The following SLC15A2 variants were observed in gnomAD, a reference collection of about 807,000 sequenced individuals.
SLC15A2 encodes kidney H(+)/peptide cotransporter.
Under a neutral mutation model 95.5 loss-of-function variants are expected in SLC15A2, and 77 were observed. That is an observed-to-expected ratio of 0.81 (90% CI 0.67 to 0.97). The LOEUF (loss-of-function observed/expected upper bound fraction) is 0.97, where lower values mean the gene tolerates loss of function less well. Ranked by LOEUF, SLC15A2 falls within the 50% of genes least tolerant of loss-of-function variation. The pLI, the probability that SLC15A2 is intolerant of heterozygous loss-of-function variation, is 0.00. For missense variants in SLC15A2, 893 were observed against 874.4 expected (o/e 1.02, Z -0.27); for synonymous variants, 306 against 306.9 (o/e 1.00, Z 0.03).
chr3:121,932,269 C>A (rs143116633), intron 19 of SLC15A2, among the ~76,000 whole-genome samples: 1 of 152,150 alleles, frequency 6.6e-6, no homozygotes, highest in East Asian at 1.9e-4. Flanking sequence ...CAACAACAAG[C>A]AAAGGGTCTT....
chr3:121,899,528 C>T (rs138172221), intron 3 of SLC15A2, among the ~76,000 whole-genome samples: 3 of 152,264 alleles, frequency 2.0e-5, no homozygotes, highest in Non-Finnish European at 2.9e-5. Context: ...TCTCCTTTTA[C>T]ATTAACCCCA....
At chr3:121,932,967 T>C (rs977815453) in intron 19 of SLC15A2, among the ~76,000 whole-genome samples, 8 of 151,844 alleles carry the variant, frequency 5.3e-5, no homozygotes, top group Non-Finnish European at 1.2e-4. Context: ...TGTGTCCATG[T>C]GATCTCATTG....
At chr3:121,916,404 A>G (rs2689289) in intron 7 of SLC15A2, among the ~76,000 whole-genome samples, 67,914 of 151,972 alleles carry the variant, frequency 0.45, 15,711 homozygotes, top group East Asian at 0.69. Context: ...TGAGCCTCAG[A>G]GTGACACCCC....
chr3:121,932,470 T>C (rs1461228980), intron 19 of SLC15A2, among the ~76,000 whole-genome samples: 2 of 152,238 alleles, frequency 1.3e-5, no homozygotes, highest in African/African-American at 4.8e-5. Context: ...TCTGAAATAC[T>C]GAAACTGATA....
intron 3 of SLC15A2, among the ~76,000 whole-genome samples, chr3:121,900,648 T>C (rs1709503217): frequency 6.6e-6 from 1 of 152,094 alleles, no homozygotes; most frequent in Non-Finnish European, 1.5e-5. Context: ...TCCAATGACA[T>C]CTCTTTTTCA....
At chr3:121,917,145 A>AT (rs908588951) in intron 7 of SLC15A2, among the ~76,000 whole-genome samples, 3 of 152,012 alleles carry the variant, frequency 2.0e-5, no homozygotes, top group Non-Finnish European at 4.4e-5. Flanking sequence ...TCATTCACTC[A>AT]TTTTTTTAAC....
In SLC15A2 at chr3:121,940,468, C is replaced by T. The variant is rs1221448763; in HGVS notation, c.1993C>T (p.Gln665Ter). The part of the protein sequence containing the change: ...VGNIIVLVVA[Q>*]FSGLVQWAEF... ...GAATATCATCGTGCTTGTTGTGGCA[C>T]AGTTCAGTGGCCTGGTACAGGTATG... Residue 665 changes from glutamine to a stop codon, truncating the protein, a stop_gained, in exon 21 of 22, where the codon CAG becomes TAG. Transcript: ENST00000489711. LOFTEE classifies it high-confidence loss of function. 6.2e-7 allele frequency: 1 copy of T among 1,613,856 alleles called. No individual in the cohort carries two copies. Among genetic ancestry groups the T allele is most frequent in the Middle Eastern group, 1.7e-4 (1 of 6,060 alleles).
chr3:121,900,051 CT>C (rs1709493744), intron 3 of SLC15A2, among the ~76,000 whole-genome samples: 1 of 152,182 alleles, frequency 6.6e-6, no homozygotes, highest in African/African-American at 2.4e-5. Flanking sequence ...TTACTTCACT[CT>C]TTCCTGAGTG....
In SLC15A2 at chr3:121,915,167, G is replaced by A. The variant is rs969434557; in HGVS notation, c.529-60G>A. ...TGTACCTTCAGCTCTGAATCTGAAC[G>A]TGGAGTGGGGCTGGAGCTAGGGGAC... On this transcript the variant is annotated intron_variant, in intron 5 of 21. Transcript: ENST00000489711. 23 of 1,342,140 alleles carry A rather than the reference G, an allele frequency of 1.7e-5. No individual in the cohort carries two copies. The African/African-American group carries it at 2.6e-4, about 15-fold the overall frequency. The allele number at this position is 1,342,140 out of a possible 1,614,324, so 83.1% of individuals were successfully genotyped here.
chr3:121,919,889 G>A (rs1709971898), intron 7 of SLC15A2, among the ~76,000 whole-genome samples: 1 of 152,200 alleles, frequency 6.6e-6, no homozygotes, highest in African/African-American at 2.4e-5. Flanking sequence ...AAACACATAT[G>A]AGCAAATTAG....
At chr3:121,897,921 G>T (rs908413550) in intron 3 of SLC15A2, among the ~76,000 whole-genome samples, 21 of 152,134 alleles carry the variant, frequency 1.4e-4, no homozygotes, top group Non-Finnish European at 2.8e-4. Flanking sequence ...CAGCACTTTG[G>T]GAGGCCGAGG....
rs752433423 is a variant in SLC15A2, at chr3:121,927,748, T to C, written c.1125-10T>C. The C allele has an allele frequency of 3.7e-6, 6 of 1,607,786 alleles. No individual in the cohort carries two copies. Among genetic ancestry groups the C allele is most frequent in the Non-Finnish European group, 5.1e-6 (6 of 1,174,314 alleles). On this transcript the variant is annotated splice_polypyrimidine_tract_variant and intron_variant, in intron 13 of 21. Coordinates refer to ENST00000489711, the MANE Select transcript of SLC15A2 (RefSeq NM_021082.4). ...AGTTTAGATATAATTGTTTCTCCTT[T>C]CCACCACAGATCACTTAGGAAAATG...
rs1341355874 is a variant in SLC15A2 at position 121,942,732 on chromosome 3, G to A, written c.*1725G>A. The A allele has an allele frequency of 2.6e-5, 4 of 152,156 alleles. No homozygotes were observed. The highest frequency in any genetic ancestry group is 1.9e-4 in the East Asian group (1 of 5,204). The allele number at this position is 152,156 out of a possible 1,614,324, so 9.4% of individuals were successfully genotyped here. ...CATTAACACAGTTCTGTAAATAGAA[G>A]TGTCTATGGACAAATAAGTTTGGGA... is the stretch of plus-strand genomic sequence containing the variant. On this transcript the variant is annotated 3_prime_UTR_variant, in exon 22 of 22. Coordinates refer to ENST00000489711, the MANE Select transcript of SLC15A2 (RefSeq NM_021082.4).
At position 121,940,483 on chromosome 3, in the gene SLC15A2, G is replaced by C; in HGVS notation, c.2008G>C (p.Val670Leu). The change falls in exon 21 of 22, where the codon GTA (valine) becomes CTA (leucine). Residue 670 changes from valine to leucine, a missense_variant. By Grantham distance (32) the Val-to-Leu change is conservative. Transcript: ENST00000489711. ...TGTTGTGGCACAGTTCAGTGGCCTGGTACAGGTATGGATCTGAGGGAAGCA... is the reference window on the plus strand; with the variant it reads ...TGTTGTGGCACAGTTCAGTGGCCTGCTACAGGTATGGATCTGAGGGAAGCA... ...VLVVAQFSGL[V>L]QWAEFILFSC... The C allele has an allele frequency of 6.2e-7, 1 of 1,612,004 alleles. No individual in the cohort carries two copies. The highest frequency in any genetic ancestry group is 8.5e-7 in the Non-Finnish European group (1 of 1,178,146).
chr3:121,931,735 T>C lies in SLC15A2; in HGVS notation c.1761T>C (p.Asn587=), dbSNP rs377487685. 1.9e-5 allele frequency: 30 copies of C among 1,585,168 alleles called. No homozygotes were observed. The highest frequency in any genetic ancestry group is 2.3e-5 in the Non-Finnish European group (27 of 1,153,934). ...CAGCATATCTGTTTGTTATTACTAA[T>C]GTAAGTAGCTCACAGCCACCTCTTT... The part of the protein sequence containing the change: ...FGAAYLFVIT[N]NTNQGLQAWK... Residue 587 remains asparagine (N), a splice_region_variant and synonymous_variant, in exon 19 of 22, where the codon AAT becomes AAC. Transcript: ENST00000489711.
intron 3 of SLC15A2, among the ~76,000 whole-genome samples, chr3:121,900,404 T>C (rs530662420): frequency 3.9e-4 from 60 of 152,312 alleles, no homozygotes; most frequent in Non-Finnish European, 7.8e-4. Context: ...CTAAAATGTT[T>C]TTACTGCTTC....
Position 121,929,301 on chromosome 3 carries a change from G to A in SLC15A2, c.1507-1G>A, listed in dbSNP as rs1307745113. ...CTGATTTTTACTTTCCTCTGTTGTA[G>A]GTAAAGGATACAGAAAGCAGAACAA... On this transcript the variant is annotated splice_acceptor_variant, in intron 16 of 21. Coordinates refer to ENST00000489711, the MANE Select transcript of SLC15A2 (RefSeq NM_021082.4). LOFTEE classifies it high-confidence loss of function. The A allele has an allele frequency of 1.2e-6, 2 of 1,613,858 alleles. No homozygotes were observed. Among genetic ancestry groups the A allele is most frequent in the African/African-American group, 1.3e-5 (1 of 75,020 alleles).
At chr3:121,932,911 C>T (rs1177607616) in intron 19 of SLC15A2, among the ~76,000 whole-genome samples, 7 of 151,922 alleles carry the variant, frequency 4.6e-5, no homozygotes, top group African/African-American at 9.7e-5. Flanking sequence ...TCCCTCCCCC[C>T]TCCGCGCACC....
At position 121,940,925 on chromosome 3, in the gene SLC15A2, A is replaced by G. The variant is rs752581095; in HGVS notation, c.2108A>G (p.Asp703Gly). The change falls in exon 22 of 22, where the codon GAT becomes GGT. Residue 703 changes from aspartate (D) to glycine (G), a missense_variant. By Grantham distance (94) the Asp-to-Gly change is moderately conservative. Transcript: ENST00000489711. Reference sequence around the variant, plus strand: ...TACTATGTTCCTGTAAAGACAGAGGATATGCGGGGTCCAGCAGATAAGCAC... The same window carrying G: ...TACTATGTTCCTGTAAAGACAGAGGGTATGCGGGGTCCAGCAGATAAGCAC... ...GYYYVPVKTE[D>G]MRGPADKHIP... The G allele has an allele frequency of 1.9e-6, 3 of 1,614,146 alleles. No individual in the cohort carries two copies. Among genetic ancestry groups the G allele is most frequent in the South Asian group, 2.2e-5 (2 of 91,080 alleles).
Sources: gnomAD v4.1 joint callset for allele counts (sites outside exome capture counted in the v4.1 genomes callset) on GRCh38, gnomAD v4.1.1 for gene constraint, MANE v1.5 for transcripts, NCBI Gene and HGNC (gene_info 2026-07-23, HGNC 2026-07-21) for gene names.